Variants in XYLB observed in about 807,000 individuals in gnomAD.
XYLB encodes xylulokinase, also known as xylulose kinase.
Under a neutral mutation model 78.7 loss-of-function variants are expected in XYLB, and 62 were observed. The observed-to-expected ratio is 0.79, with a 90% CI of 0.64 to 0.97. The LOEUF (loss-of-function observed/expected upper bound fraction) is 0.97. Among genes scored for constraint, XYLB ranks in the 50% least tolerant of loss-of-function variants. XYLB has a pLI of 0.00. For missense variants in XYLB, 687 were observed against 676.8 expected, an observed-to-expected ratio of 1.02 and a Z score of -0.17; for synonymous variants, 245 against 247.4, an observed-to-expected ratio of 0.99 and a Z score of 0.09.
downstream of XYLB, among the ~76,000 whole-genome samples, chr3:38,421,525 T>C (rs1034345123): frequency 2.6e-5 from 4 of 152,206 alleles, no homozygotes; most frequent in Non-Finnish European, 5.9e-5. Context: ...TAGAGAAATA[T>C]TGCCGCTGGT....
the XYLB span, among the ~76,000 whole-genome samples, chr3:38,431,270 G>A: frequency 7.2e-5 from 11 of 152,164 alleles, no homozygotes; most frequent in Middle Eastern, 3.4e-3. Context: ...GGTCCTTCAC[G>A]TCCCTTGGAA....
At chr3:38,384,339 T>A (rs1391389364) in intron 15 of XYLB, among the ~76,000 whole-genome samples, 2 of 152,208 alleles carry the variant, frequency 1.3e-5, no homozygotes, top group Non-Finnish European at 2.9e-5. Context: ...GTGCTGGGAT[T>A]GCAAGTGTGA....
At chr3:38,436,057 G>T in the XYLB span, among the ~76,000 whole-genome samples, 1 of 151,920 alleles carries the variant, frequency 6.6e-6, no homozygotes, top group Non-Finnish European at 1.5e-5. Context: ...CTCCAAATTA[G>T]CAGAAAAAAG....
At chr3:38,398,032 A>G (rs1198323207) in intron 17 of XYLB, among the ~76,000 whole-genome samples, 2 of 151,112 alleles carry the variant, frequency 1.3e-5, no homozygotes, top group Non-Finnish European at 2.9e-5. Context: ...GTTAGCCAGG[A>G]TGGTCTCGAT....
chr3:38,444,916 A>C, the XYLB span, among the ~76,000 whole-genome samples: 9 of 152,046 alleles, frequency 5.9e-5, no homozygotes, highest in African/African-American at 2.2e-4. Context: ...AACCACAAGG[A>C]GGACTGAGGA....
chr3:38,372,429 G>A (rs960028380), intron 9 of XYLB: 3 of 985,182 alleles, frequency 3.0e-6, no homozygotes, highest in African/African-American at 3.5e-5. Flanking sequence ...ATGACCTCAT[G>A]CTCGTGGTTT....
chr3:38,366,799 CT>C lies in XYLB; in HGVS notation c.508-5del. On this transcript the variant is annotated splice_polypyrimidine_tract_variant and splice_region_variant and intron_variant, in intron 6 of 18. Coordinates refer to ENST00000207870, the MANE Select transcript of XYLB (RefSeq NM_005108.4). Reference sequence around the variant, plus strand: ...TTTGGGTTCCTAAGAATTTATATTCCTTTTCCAGCGTTTTACAGGGAACCAA... The same window carrying C: ...TTTGGGTTCCTAAGAATTTATATTCCTTTCCAGCGTTTTACAGGGAACCAA... 1 of 1,606,088 alleles carries C rather than the reference CT, an allele frequency of 6.2e-7. No individual in the cohort carries two copies. The highest frequency in any genetic ancestry group is 8.5e-7 in the Non-Finnish European group (1 of 1,172,870).
rs1478504908 is a variant in XYLB at position 38,372,669 on chromosome 3, C to G, written c.780C>G (p.Ser260=). The part of the protein sequence containing the change: ...PSCSVVGAIS[S]YYVQRYGFPP... ...CCGTCCCTCAGGGAGCCATTTCTTC[C>G]TACTACGTCCAGCGCTACGGATTTC... Residue 260 remains serine (S), a synonymous_variant, in exon 10 of 19, where the codon TCC becomes TCG. Transcript: ENST00000207870. 2 of 1,614,040 alleles carry G rather than the reference C, an allele frequency of 1.2e-6. No homozygotes were observed. Among genetic ancestry groups the G allele is most frequent in the African/African-American group, 1.3e-5 (1 of 74,912 alleles).
At chr3:38,448,717 G>T in the XYLB span, among the ~76,000 whole-genome samples, 115 of 152,274 alleles carry the variant, frequency 7.6e-4, no homozygotes, top group African/African-American at 2.6e-3. Context: ...TCATGTCAAG[G>T]CTTGTTCCTT....
chr3:38,415,197 C>T (rs1362499710), downstream of XYLB, among the ~76,000 whole-genome samples: 1 of 152,206 alleles, frequency 6.6e-6, no homozygotes, highest in Non-Finnish European at 1.5e-5. Context: ...AATGGGGCAA[C>T]CTTTTCAAGA....
rs558255292 is a variant in XYLB at position 38,414,940 on chromosome 3, A to G, written c.*1927A>G. On this transcript the variant is annotated 3_prime_UTR_variant, in exon 19 of 19. Transcript: ENST00000207870. ...GCATAGAGTTAATATTTAAAATTCA[A>G]ATATTAAAACTCAAATAAACCCCAA... 3 of 152,312 alleles carry G rather than the reference A, an allele frequency of 2.0e-5. No individual in the cohort carries two copies. The East Asian group carries it at 5.8e-4, about 29-fold the overall frequency. 9.4% of individuals were successfully genotyped at this position (152,312 alleles called of 1,614,324 possible).
the XYLB span, among the ~76,000 whole-genome samples, chr3:38,435,974 A>G: frequency 6.6e-6 from 1 of 152,180 alleles, no homozygotes; most frequent in East Asian, 1.9e-4. Flanking sequence ...GCCTACATCA[A>G]AAAATAGAAA....
rs557708867 is a variant in XYLB at position 38,365,829 on chromosome 3, T to C, written c.507+93T>C. On this transcript the variant is annotated intron_variant, in intron 6 of 18. Transcript: ENST00000207870. ...CTGCCTCTGGGGGGATCACATGAGG[T>C]CATGGAGGTGTTGTGGAGCCAGCAA... The C allele has an allele frequency of 6.9e-4, 1,005 of 1,457,756 alleles. 10 individuals are homozygous for C. In the South Asian group the frequency reaches 0.013, roughly 19 times the overall value. The allele number at this position is 1,457,756 out of a possible 1,614,324, so 90.3% of individuals were successfully genotyped here. A position where few individuals can be genotyped will look rare whatever the true frequency, so the allele number is the denominator to read the frequency against.
chr3:38,433,844 C>G, the XYLB span, among the ~76,000 whole-genome samples: 1 of 152,366 alleles, frequency 6.6e-6, no homozygotes, highest in East Asian at 1.9e-4. Context: ...GTTGCTTCCA[C>G]ATTTTTAAGT....
rs543118147 is a variant in XYLB, at chr3:38,404,602, A to T, written c.1533+3617A>T. ...GAGGCCGAGGCGGATGGATCACATGAGGTCAGGAGTTAGAGACCAGCCTGG... is the reference window on the plus strand; with the variant it reads ...GAGGCCGAGGCGGATGGATCACATGTGGTCAGGAGTTAGAGACCAGCCTGG... On this transcript the variant is annotated intron_variant, in intron 18 of 18. Transcript: ENST00000207870. Among the ~76,000 whole-genome samples, 14 of 152,292 alleles carry T rather than the reference A, an allele frequency of 9.2e-5. No individual in the cohort carries two copies. In the East Asian group the frequency reaches 1.7e-3, roughly 19 times the overall value.
chr3:38,406,834 A>T (rs1708343158), intron 18 of XYLB, among the ~76,000 whole-genome samples: 1 of 152,222 alleles, frequency 6.6e-6, no homozygotes, highest in African/African-American at 2.4e-5. Flanking sequence ...GTTTAGAGAA[A>T]AAAGAATAAA....
chr3:38,353,201 A>G (rs1705461627), intron 2 of XYLB, among the ~76,000 whole-genome samples: 1 of 152,258 alleles, frequency 6.6e-6, no homozygotes, highest in Non-Finnish European at 1.5e-5. Flanking sequence ...GCTTTCTTAC[A>G]TAAAAATATT....
At chr3:38,438,662 G>A in the XYLB span, among the ~76,000 whole-genome samples, 1 of 152,226 alleles carries the variant, frequency 6.6e-6, no homozygotes, top group African/African-American at 2.4e-5. Context: ...TGGACCCAAA[G>A]AGTGAGCAGC....
chr3:38,424,961 T>A (rs12632560), downstream of XYLB, among the ~76,000 whole-genome samples: 9,297 of 152,292 alleles, frequency 0.061, 452 homozygotes, highest in East Asian at 0.19. Context: ...CCCATGTTAA[T>A]GCCTCTGGTC....
Sources: gnomAD v4.1 joint callset for allele counts (sites outside exome capture counted in the v4.1 genomes callset) on GRCh38, gnomAD v4.1.1 for gene constraint, MANE v1.5 for transcripts, NCBI Gene and HGNC (gene_info 2026-07-23, HGNC 2026-07-21) for gene names.